IGF2BP3: variants seen among roughly 807,000 people sequenced by gnomAD.
IGF2BP3 encodes the protein insulin like growth factor 2 mRNA binding protein 3.
Under a neutral mutation model 73.8 loss-of-function variants are expected in IGF2BP3, and 9 were observed. The observed-to-expected ratio is 0.12, with a 90% CI of 0.07 to 0.21. The LOEUF is 0.21. IGF2BP3 is among the 10% of genes least tolerant of loss of function. The pLI is 1.00. For synonymous variants in IGF2BP3, 258 were observed against 256.7 expected, an observed-to-expected ratio of 1.01 and a Z score of -0.05; for missense variants, 542 against 714.0, an observed-to-expected ratio of 0.76 and a Z score of 2.75.
At chr7:23,465,487 C>A (rs1413423078) in intron 2 of IGF2BP3, among the ~76,000 whole-genome samples, 1 of 151,926 alleles carries the variant, frequency 6.6e-6, no homozygotes, top group Non-Finnish European at 1.5e-5. Flanking sequence ...TAAGCTTGGT[C>A]TGAACCAAAT....
Position 23,342,056 on chromosome 7 carries a change from T to G in IGF2BP3, c.1203+8A>C, listed in dbSNP as rs777755346. 1 of 1,560,448 alleles carries G rather than the reference T, an allele frequency of 6.4e-7. No homozygotes were observed. The highest frequency in any genetic ancestry group is 8.6e-7 in the Non-Finnish European group (1 of 1,160,440). ...AATCACAAAGAAAGCCAAGGCCAGT[T>G]ATCTTACCTCAAACTGCGGGTAGGG... is the stretch of plus-strand genomic sequence containing the variant. On this transcript the variant is annotated splice_region_variant and intron_variant, in intron 10 of 14. Coordinates refer to ENST00000258729, the MANE Select transcript of IGF2BP3 (RefSeq NM_006547.3).
At chr7:23,444,797 C>T (rs1442554127) in intron 2 of IGF2BP3, among the ~76,000 whole-genome samples, 1 of 150,462 alleles carries the variant, frequency 6.6e-6, no homozygotes, top group African/African-American at 2.5e-5. Flanking sequence ...TAGTTGGGTT[C>T]GGTGGCTCAT....
At chr7:23,411,399 T>A (rs942750943) in intron 3 of IGF2BP3, among the ~76,000 whole-genome samples, 3 of 152,120 alleles carry the variant, frequency 2.0e-5, no homozygotes, top group Admixed American at 1.3e-4. Flanking sequence ...CTGGTCAACA[T>A]GGTGAAACCC....
intron 2 of IGF2BP3, among the ~76,000 whole-genome samples, chr7:23,428,228 T>C (rs1584033098): frequency 6.6e-6 from 1 of 151,820 alleles, no homozygotes; most frequent in Admixed American, 6.6e-5. Flanking sequence ...TCCCAGCACT[T>C]TGGGAGGCCA....
intron 3 of IGF2BP3, among the ~76,000 whole-genome samples, chr7:23,399,594 A>G (rs527563257): frequency 2.0e-4 from 30 of 152,162 alleles, no homozygotes; most frequent in Non-Finnish European, 3.8e-4. Context: ...ACAAAAATTA[A>G]TTTCTGTTGC....
chr7:23,378,566 CTTGT>C (rs1293044712), intron 3 of IGF2BP3, among the ~76,000 whole-genome samples: 5 of 80,964 alleles, frequency 6.2e-5, no homozygotes, highest in Admixed American at 1.4e-4. Flanking sequence ...CTAATTTTTG[CTTGT>C]TTTTTTTTTT....
intron 3 of IGF2BP3, among the ~76,000 whole-genome samples, chr7:23,378,538 G>A (rs867288081): frequency 1.1e-4 from 15 of 141,860 alleles, no homozygotes; most frequent in Admixed American, 2.9e-4. Flanking sequence ...GATTATGGGC[G>A]TGCACCACCA....
At chr7:23,398,411 C>T (rs1179926990) in intron 3 of IGF2BP3, among the ~76,000 whole-genome samples, 3 of 152,138 alleles carry the variant, frequency 2.0e-5, no homozygotes, top group Non-Finnish European at 4.4e-5. Context: ...GATTTATAAT[C>T]CTTTGGGTAT....
intron 3 of IGF2BP3, among the ~76,000 whole-genome samples, chr7:23,376,997 T>G (rs1359896446): frequency 6.6e-6 from 1 of 152,124 alleles, no homozygotes; most frequent in African/African-American, 2.4e-5. Context: ...ACAACTGTGG[T>G]AATGGTTAAA....
chr7:23,352,412 C>T (rs1035782469), intron 5 of IGF2BP3, among the ~76,000 whole-genome samples: 4 of 151,606 alleles, frequency 2.6e-5, no homozygotes, highest in African/African-American at 7.3e-5. Context: ...CCTCAGCCTC[C>T]CAAGTAACTG....
rs1332607643 is a variant in IGF2BP3 at position 23,312,546 on chromosome 7, G to C, written c.1642-86C>G. ...TCCTTCATTTCAACAATTTCAAATA[G>C]AAATCCATTTGATGATTAAAGATAC... On this transcript the variant is annotated intron_variant, in intron 14 of 14. Transcript: ENST00000258729. 4 of 1,064,634 alleles carry C rather than the reference G, an allele frequency of 3.8e-6. No individual in the cohort carries two copies. The African/African-American group carries it at 6.3e-5, about 17-fold the overall frequency. 65.9% of individuals were successfully genotyped at this position (1,064,634 alleles called of 1,614,324 possible).
intron 3 of IGF2BP3, among the ~76,000 whole-genome samples, chr7:23,373,707 T>C (rs889329978): frequency 6.6e-6 from 1 of 152,172 alleles, no homozygotes; most frequent in Non-Finnish European, 1.5e-5. Flanking sequence ...GGTATTGATA[T>C]GGTTTGAACA....
At chr7:23,401,039 G>A (rs1400046061) in intron 3 of IGF2BP3, among the ~76,000 whole-genome samples, 1 of 152,044 alleles carries the variant, frequency 6.6e-6, no homozygotes, top group East Asian at 1.9e-4. Context: ...GACCTCAAGT[G>A]ACCTGCCTGC....
chr7:23,321,207 G>A (rs537686906), intron 10 of IGF2BP3, among the ~76,000 whole-genome samples: 1 of 152,292 alleles, frequency 6.6e-6, no homozygotes, highest in Non-Finnish European at 1.5e-5. Flanking sequence ...GCAGGTCAGT[G>A]GGTGCATGCA....
At chr7:23,415,257 GGCATCACC>G (rs1787152273) in intron 3 of IGF2BP3, 20 of 238,824 alleles carry the variant, frequency 8.4e-5, no homozygotes, top group South Asian at 7.6e-4. Flanking sequence ...CCCATCAGTC[GGCATCACC>G]GCATCACCAA....
chr7:23,431,942 TG>T (rs1381331719), intron 2 of IGF2BP3, among the ~76,000 whole-genome samples: 1 of 152,192 alleles, frequency 6.6e-6, no homozygotes. Context: ...CACATTCCAC[TG>T]GTTAACAGAT....
chr7:23,465,796 T>C (rs1462575130), intron 2 of IGF2BP3, among the ~76,000 whole-genome samples: 1 of 152,162 alleles, frequency 6.6e-6, no homozygotes, highest in Admixed American at 6.5e-5. Context: ...CCAGCAGGCT[T>C]GGCAAGGATT....
intron 8 of IGF2BP3, among the ~76,000 whole-genome samples, chr7:23,344,149 G>A (rs1784777759): frequency 6.6e-6 from 1 of 152,144 alleles, no homozygotes. Context: ...GCTTAAAGTT[G>A]AACCATTTTC....
intron 2 of IGF2BP3, among the ~76,000 whole-genome samples, chr7:23,440,136 G>A (rs189556448): frequency 8.4e-4 from 128 of 152,268 alleles, no homozygotes; most frequent in African/African-American, 2.9e-3. Flanking sequence ...GGTGGCACGC[G>A]CCTGCAGTCC....
Sources: gnomAD v4.1 joint callset for allele counts (sites outside exome capture counted in the v4.1 genomes callset) on GRCh38, gnomAD v4.1.1 for gene constraint, MANE v1.5 for transcripts, NCBI Gene and HGNC (gene_info 2026-07-23, HGNC 2026-07-21) for gene names.